The following CRYZ variants were observed in gnomAD, a reference collection of about 807,000 sequenced individuals.
The protein encoded by CRYZ is crystallin zeta.
A neutral mutation model predicts 34.1 loss-of-function variants in CRYZ; 35 were observed. That is an observed-to-expected ratio of 1.03 (90% CI 0.78 to 1.36). The LOEUF is 1.36. Among genes scored for constraint, CRYZ ranks in the 40% most tolerant of loss-of-function variants. The pLI, the probability that CRYZ is intolerant of heterozygous loss-of-function variation, is 0.00. For synonymous variants in CRYZ, 137 were observed against 136.5 expected, an observed-to-expected ratio of 1.00 and a Z score of -0.03; for missense variants, 403 against 391.8, an observed-to-expected ratio of 1.03 and a Z score of -0.24.
At chr1:74,715,385 C>T (rs1284965569) in intron 4 of CRYZ, among the ~76,000 whole-genome samples, 1 of 152,180 alleles carries the variant, frequency 6.6e-6, no homozygotes, top group East Asian at 1.9e-4. Flanking sequence ...TGTCAAAAGC[C>T]AGCAGATGCT....
At chr1:74,716,360 C>T (rs956698396) in intron 4 of CRYZ, among the ~76,000 whole-genome samples, 2 of 152,116 alleles carry the variant, frequency 1.3e-5, no homozygotes, top group Middle Eastern at 3.4e-3. Context: ...TCTGGAGAAC[C>T]CTGACTAATA....
intron 1 of CRYZ, among the ~76,000 whole-genome samples, chr1:74,726,914 G>C (rs907513749): frequency 1.3e-5 from 2 of 152,076 alleles, no homozygotes; most frequent in Non-Finnish European, 2.9e-5. Flanking sequence ...CTAGGGCAGG[G>C]GCAAAATGCC....
chr1:74,723,761 A>C (rs1325771181), intron 2 of CRYZ, among the ~76,000 whole-genome samples: 1 of 152,220 alleles, frequency 6.6e-6, no homozygotes, highest in Admixed American at 6.5e-5. Flanking sequence ...TGGCAGAGCC[A>C]CATGAAAGAA....
chr1:74,724,732 T>C lies in CRYZ; in HGVS notation c.90A>G (p.Val30=). 1 of 1,610,816 alleles carries C rather than the reference T, an allele frequency of 6.2e-7. No homozygotes were observed. The highest frequency in any genetic ancestry group is 1.3e-5 in the African/African-American group (1 of 74,916). ...EVLKLRSDIA[V]PIPKDHQVLI... is the part of the protein sequence containing the mutation. The stretch of plus-strand genomic sequence containing the variant: ...CTACCTGATGGTCTTTTGGAATCGG[T>C]ACTGCAATATCTGATCGCAATTTCA... Residue 30 remains valine (V), a synonymous_variant, in exon 2 of 9, where the codon GTA becomes GTG. Coordinates refer to ENST00000340866, the MANE Select transcript of CRYZ (RefSeq NM_001889.4).
intron 5 of CRYZ, among the ~76,000 whole-genome samples, chr1:74,714,004 T>G (rs545917227): frequency 2.6e-5 from 4 of 152,200 alleles, no homozygotes; most frequent in Middle Eastern, 3.4e-3. Flanking sequence ...TTTTAAGTTC[T>G]GAGTCCTCCT....
intron 1 of CRYZ, among the ~76,000 whole-genome samples, chr1:74,732,138 C>A (rs547999179): frequency 1.9e-4 from 29 of 149,560 alleles, no homozygotes; most frequent in African/African-American, 6.9e-4. Flanking sequence ...GAGAAGAAAT[C>A]CCCTACAGCT....
chr1:74,706,862 T>C, intron 8 of CRYZ, 37 bp downstream of exon 8: 1 of 1,565,442 alleles, frequency 6.4e-7, no homozygotes, highest in Non-Finnish European at 8.8e-7. Context: ...TGTACCAATG[T>C]TTAAGTTACC....
chr1:74,716,816 GC>G (rs926289277), intron 4 of CRYZ, among the ~76,000 whole-genome samples: 11 of 152,112 alleles, frequency 7.2e-5, no homozygotes, highest in African/African-American at 2.7e-4. Flanking sequence ...TCTCCCCGCA[GC>G]CCCTGTGCTC....
intron 3 of CRYZ, among the ~76,000 whole-genome samples, chr1:74,721,066 C>A (rs564112897): frequency 1.6e-3 from 249 of 152,124 alleles, no homozygotes; most frequent in Non-Finnish European, 3.2e-3. Flanking sequence ...GGGGAAGAGT[C>A]ATTACGGGTG....
intron 4 of CRYZ, among the ~76,000 whole-genome samples, chr1:74,715,646 A>G (rs1284463710): frequency 6.6e-6 from 1 of 152,194 alleles, no homozygotes; most frequent in Admixed American, 6.6e-5. Context: ...CATAAACATA[A>G]GGGGATAGGA....
chr1:74,717,143 A>T (rs1257940981), intron 4 of CRYZ, among the ~76,000 whole-genome samples: 1 of 152,114 alleles, frequency 6.6e-6, no homozygotes, highest in African/African-American at 2.4e-5. Flanking sequence ...ACTGGAAGCC[A>T]ATCTCTCTAC....
At chr1:74,731,408 G>GA (rs916754953) in intron 1 of CRYZ, among the ~76,000 whole-genome samples, 11 of 151,832 alleles carry the variant, frequency 7.2e-5, no homozygotes, top group Admixed American at 2.0e-4. Flanking sequence ...TGAAAACTTA[G>GA]AAAAAAAATC....
At chr1:74,719,484 G>C (rs1647125933) in intron 3 of CRYZ, 112 bp from the exon 4 acceptor site, 2 of 971,976 alleles carry the variant, frequency 2.1e-6, no homozygotes, top group African/African-American at 3.3e-5. Context: ...GTCCTCTATA[G>C]GGTCTCATAT....
chr1:74,711,746 C>G (rs1425388545), intron 5 of CRYZ, among the ~76,000 whole-genome samples: 1 of 152,116 alleles, frequency 6.6e-6, no homozygotes, highest in East Asian at 1.9e-4. Flanking sequence ...GAGCAAGACC[C>G]TGTCTCTAAA....
At chr1:74,716,312 TAGATAGAC>T (rs1647074876) in intron 4 of CRYZ, among the ~76,000 whole-genome samples, 1 of 152,116 alleles carries the variant, frequency 6.6e-6, no homozygotes, top group African/African-American at 2.4e-5. Context: ...GATTGACTGA[TAGATAGAC>T]AGACAGACAC....
chr1:74,711,411 G>A (rs1256724943), intron 5 of CRYZ, among the ~76,000 whole-genome samples: 1 of 152,182 alleles, frequency 6.6e-6, no homozygotes, highest in African/African-American at 2.4e-5. Flanking sequence ...GAACAAAGGT[G>A]GTGGCACTGG....
intron 1 of CRYZ, among the ~76,000 whole-genome samples, chr1:74,727,556 C>T (rs1206146073): frequency 1.2e-4 from 14 of 117,148 alleles, no homozygotes; most frequent in Middle Eastern, 4.0e-3. Flanking sequence ...GGCGTCAACC[C>T]GGCAGGTGGA....
At chr1:74,723,088 C>A in intron 3 of CRYZ, 30 bp downstream of exon 3, 1 of 1,595,944 alleles carries the variant, frequency 6.3e-7, no homozygotes, top group Non-Finnish European at 8.5e-7. Flanking sequence ...ATAAATTCAG[C>A]CAAAATAGAA....
chr1:74,709,193 T>C (rs946565428), intron 6 of CRYZ, among the ~76,000 whole-genome samples: 4 of 152,074 alleles, frequency 2.6e-5, no homozygotes, highest in African/African-American at 9.7e-5. Context: ...TTTTTGAGAA[T>C]GGGAGAGACT....
Sources: allele counts gnomAD v4.1 joint callset (sites outside exome capture counted in the v4.1 genomes callset), GRCh38; gene constraint gnomAD v4.1.1; transcripts MANE v1.5; gene names NCBI Gene and HGNC (gene_info 2026-07-23, HGNC 2026-07-21).